Variants in MIGA1 observed in about 807,000 individuals in gnomAD.
MIGA1 encodes mitoguardin 1.
In MIGA1, 58 loss-of-function variants were observed where a neutral mutation model predicts 82.0. The ratio of observed to expected loss-of-function variants is 0.71; its 90% CI spans 0.57 to 0.88. MIGA1 has a LOEUF of 0.88. MIGA1 is among the 40% of genes least tolerant of loss of function. MIGA1 has a pLI of 0.00. For missense variants in MIGA1, 751 were observed against 749.1 expected, an observed-to-expected ratio of 1.00 and a Z score of -0.03; for synonymous variants, 249 against 253.6, an observed-to-expected ratio of 0.98 and a Z score of 0.17.
intron 7 of MIGA1, among the ~76,000 whole-genome samples, chr1:77,836,518 G>A (rs2101872076): frequency 6.6e-6 from 1 of 152,288 alleles, no homozygotes; most frequent in Non-Finnish European, 1.5e-5. Context: ...AGGAACCAGA[G>A]GCTTGAATAA....
At chr1:77,820,230 T>C (rs1411072770) in intron 7 of MIGA1, among the ~76,000 whole-genome samples, 1 of 151,884 alleles carries the variant, frequency 6.6e-6, no homozygotes, top group Non-Finnish European at 1.5e-5. Context: ...TAGAAAGAAA[T>C]TGTCAAGGTT....
intron 2 of MIGA1, among the ~76,000 whole-genome samples, chr1:77,794,902 A>G (rs1427057284): frequency 6.6e-6 from 1 of 152,168 alleles, no homozygotes; most frequent in Non-Finnish European, 1.5e-5. Flanking sequence ...GTTTGGAGGT[A>G]GAGACTTTGA....
chr1:77,845,328 A>G (rs1684795421), intron 8 of MIGA1, among the ~76,000 whole-genome samples: 2 of 152,110 alleles, frequency 1.3e-5, no homozygotes, highest in African/African-American at 2.4e-5. Flanking sequence ...TGTAGATACT[A>G]TGTCCTAGGT....
At chr1:77,810,739 G>A (rs1232316372) in intron 5 of MIGA1, 31 of 1,110,820 alleles carry the variant, frequency 2.8e-5, no homozygotes, top group Non-Finnish European at 3.7e-5. Context: ...GACTCCGTCC[G>A]GCCTACTGGT....
intron 3 of MIGA1, among the ~76,000 whole-genome samples, chr1:77,802,832 G>A (rs1328525623): frequency 1.3e-5 from 2 of 151,958 alleles, no homozygotes; most frequent in Non-Finnish European, 2.9e-5. Flanking sequence ...TAGAAGAATG[G>A]ATAGATGAGT....
chr1:77,844,100 T>A (rs1165219255), intron 8 of MIGA1, among the ~76,000 whole-genome samples: 2 of 68,454 alleles, frequency 2.9e-5, no homozygotes, highest in Non-Finnish European at 5.3e-5. Context: ...GACCCTGTCT[T>A]AAAAAAAAAA....
Position 77,866,361 on chromosome 1 carries a change from G to C in MIGA1, c.1533G>C (p.Ser511=). 3 of 1,613,854 alleles carry C rather than the reference G, an allele frequency of 1.9e-6. No homozygotes were observed. Among genetic ancestry groups the C allele is most frequent in the Non-Finnish European group, 2.5e-6 (3 of 1,179,912 alleles). ...AGGCTGTGGCTTCAAGTTGTTGGTC[G>C]GTGCTGAAACAGAAAAGACAACAGA... Residue 511 remains serine (S), a synonymous_variant, in exon 14 of 16, where the codon TCG becomes TCC. Coordinates refer to ENST00000370791, the MANE Select transcript of MIGA1 (RefSeq NM_198549.4).
At chr1:77,869,702 C>A (rs1469061031) in intron 14 of MIGA1, among the ~76,000 whole-genome samples, 1 of 114,272 alleles carries the variant, frequency 8.8e-6, no homozygotes, top group Admixed American at 7.8e-5. Flanking sequence ...GGGGGGCTGA[C>A]CCCCCCACCT....
At chr1:77,854,946 T>C (rs1231339264) in intron 8 of MIGA1, among the ~76,000 whole-genome samples, 1 of 152,190 alleles carries the variant, frequency 6.6e-6, no homozygotes, top group Non-Finnish European at 1.5e-5. Context: ...TGCTTTTGGG[T>C]TCTTAGTCAT....
intron 8 of MIGA1, chr1:77,847,956 C>A: frequency 1.6e-6 from 2 of 1,269,144 alleles, no homozygotes; most frequent in Non-Finnish European, 2.3e-6. Context: ...GTCGTAGAGA[C>A]CCCTGAGAAT....
Position 77,878,129 on chromosome 1 carries a change from C to T in MIGA1, c.*3065C>T, listed in dbSNP as rs905525276. 1.3e-5 allele frequency: 2 copies of T among 152,242 alleles called. No individual in the cohort carries two copies. Among genetic ancestry groups the T allele is most frequent in the African/African-American group, 2.4e-5 (1 of 41,428 alleles). The allele number at this position is 152,242 out of a possible 1,614,324, so 9.4% of individuals were successfully genotyped here. ...ATATAACAGGCCAGGAGCAGTGGCT[C>T]ACGCCTGTAATCCCAGCACTTTGGG... is the stretch of plus-strand genomic sequence containing the variant. On this transcript the variant is annotated 3_prime_UTR_variant, in exon 16 of 16. Coordinates refer to ENST00000370791, the MANE Select transcript of MIGA1 (RefSeq NM_198549.4).
chr1:77,852,879 C>T (rs572253457), intron 8 of MIGA1, among the ~76,000 whole-genome samples: 12 of 152,098 alleles, frequency 7.9e-5, no homozygotes, highest in Admixed American at 4.6e-4. Context: ...TTAGTAGAGG[C>T]GGGGCTTCCC....
intron 7 of MIGA1, among the ~76,000 whole-genome samples, chr1:77,827,344 C>T (rs574585316): frequency 6.6e-6 from 1 of 152,042 alleles, no homozygotes; most frequent in South Asian, 2.1e-4. Flanking sequence ...TGTGTTGACT[C>T]ACGCCTGTAG....
chr1:77,829,895 A>G (rs1178890404), intron 7 of MIGA1, among the ~76,000 whole-genome samples: 1 of 56,856 alleles, frequency 1.8e-5, no homozygotes, highest in Non-Finnish European at 3.7e-5. Context: ...CCCACCCCCC[A>G]CCGTCATATG....
chr1:77,847,457 A>G, intron 8 of MIGA1: 1 of 1,448,182 alleles, frequency 6.9e-7, no homozygotes, highest in Non-Finnish European at 9.7e-7. Context: ...GAAAAAAGGA[A>G]CAGGAAAAAA....
At chr1:77,837,701 C>G (rs1169341023) in intron 7 of MIGA1, among the ~76,000 whole-genome samples, 1 of 152,132 alleles carries the variant, frequency 6.6e-6, no homozygotes, top group Non-Finnish European at 1.5e-5. Context: ...CATGTCTTCT[C>G]CTTCTTGAAA....
intron 15 of MIGA1, among the ~76,000 whole-genome samples, chr1:77,874,112 C>T (rs764884341): frequency 5.9e-5 from 9 of 152,066 alleles, no homozygotes; most frequent in African/African-American, 1.4e-4. Flanking sequence ...TTGGAAGATA[C>T]GTTATTAAGA....
intron 4 of MIGA1, 101 bp from the exon 5 acceptor site, chr1:77,806,874 T>TA: frequency 1.2e-6 from 1 of 821,872 alleles, no homozygotes; most frequent in African/African-American, 1.7e-5. Context: ...TGGATTGTCT[T>TA]ACCACTAATA....
chr1:77,811,706 C>G, intron 5 of MIGA1: 2 of 1,611,904 alleles, frequency 1.2e-6, no homozygotes, highest in Non-Finnish European at 1.7e-6. Flanking sequence ...ACCAGCTGGC[C>G]CCAAGAGTCG....
Sources: allele counts gnomAD v4.1 joint callset (sites outside exome capture counted in the v4.1 genomes callset), GRCh38; gene constraint gnomAD v4.1.1; transcripts MANE v1.5; gene names NCBI Gene and HGNC (gene_info 2026-07-23, HGNC 2026-07-21).